Variants in GLIPR1L1 observed in about 807,000 individuals in gnomAD.
GLIPR1L1 encodes the protein GLIPR1 like 1, also known as GLIPR1-like protein 1.
A neutral mutation model predicts 29.9 loss-of-function variants in GLIPR1L1; 26 were observed. The ratio of observed to expected loss-of-function variants is 0.87; its 90% CI spans 0.64 to 1.21. GLIPR1L1 has a LOEUF of 1.21. Among genes scored for constraint, GLIPR1L1 ranks in the 50% most tolerant of loss-of-function variants. The pLI, the probability that GLIPR1L1 is intolerant of heterozygous loss-of-function variation, is 0.00. For synonymous variants in GLIPR1L1, 77 were observed against 97.5 expected (o/e 0.79, Z 1.24); for missense variants, 305 against 290.3 (o/e 1.05, Z -0.37).
At chr12:75,356,736 C>T (rs1319937538) in intron 3 of GLIPR1L1, among the ~76,000 whole-genome samples, 2 of 152,128 alleles carry the variant, frequency 1.3e-5, no homozygotes, top group African/African-American at 2.4e-5. Context: ...ATGCCCCAAA[C>T]TAAAAAACAG....
chr12:75,351,188 T>G (rs1344790922), intron 3 of GLIPR1L1, among the ~76,000 whole-genome samples: 2 of 152,148 alleles, frequency 1.3e-5, no homozygotes, highest in African/African-American at 2.4e-5. Flanking sequence ...TATGAGATTA[T>G]GTAAGATTGA....
At chr12:75,367,514 C>G (rs544378296) in intron 4 of GLIPR1L1, among the ~76,000 whole-genome samples, 1 of 151,886 alleles carries the variant, frequency 6.6e-6, no homozygotes, top group Admixed American at 6.6e-5. Flanking sequence ...TCCATCTCCA[C>G]GTCGTGTACC....
intron 3 of GLIPR1L1, among the ~76,000 whole-genome samples, chr12:75,354,139 C>A (rs778278697): frequency 7.6e-6 from 1 of 131,808 alleles, no homozygotes; most frequent in African/African-American, 3.0e-5. Context: ...GAAGTTCTGG[C>A]CAGAGCAATC....
intron 3 of GLIPR1L1, among the ~76,000 whole-genome samples, chr12:75,362,806 T>G (rs549697691): frequency 6.6e-6 from 1 of 152,172 alleles, no homozygotes; most frequent in Non-Finnish European, 1.5e-5. Context: ...GAAGAAATAA[T>G]CATACTATCT....
At chr12:75,365,152 C>T (rs75088220) in intron 4 of GLIPR1L1, 1 of 152,082 alleles carries the variant, frequency 6.6e-6, no homozygotes, top group African/African-American at 2.4e-5. Context: ...GTTTTAGCAA[C>T]AGAGCATATG....
At chr12:75,338,930 C>A (rs577576872) in intron 1 of GLIPR1L1, among the ~76,000 whole-genome samples, 6 of 152,352 alleles carry the variant, frequency 3.9e-5, no homozygotes, top group East Asian at 3.9e-4. Context: ...AGGACTTGAT[C>A]TCATTCCTTT....
intron 3 of GLIPR1L1, among the ~76,000 whole-genome samples, chr12:75,358,604 TA>T (rs965848464): frequency 6.7e-5 from 10 of 149,310 alleles, no homozygotes; most frequent in African/African-American, 2.0e-4. Context: ...TGCCTAATAG[TA>T]AAAAAAAATT....
At chr12:75,347,058 G>A (rs915139526) in intron 2 of GLIPR1L1, among the ~76,000 whole-genome samples, 3 of 150,398 alleles carry the variant, frequency 2.0e-5, no homozygotes, top group Admixed American at 6.7e-5. Context: ...GAATAACTTT[G>A]CTATTCTTTG....
At chr12:75,367,118 C>A in intron 4 of GLIPR1L1, 1 of 680,740 alleles carries the variant, frequency 1.5e-6, no homozygotes, top group South Asian at 1.6e-5. Context: ...ATGGAGAAGA[C>A]ACTTTAGAAT....
chr12:75,336,622 C>A (rs76603111), intron 1 of GLIPR1L1, among the ~76,000 whole-genome samples: 5,810 of 151,284 alleles, frequency 0.038, 129 homozygotes, highest in East Asian at 0.051. Context: ...ATCTTCAATA[C>A]AAATAAATGT....
chr12:75,348,966 A>G (rs2042629647), intron 3 of GLIPR1L1, among the ~76,000 whole-genome samples: 1 of 152,188 alleles, frequency 6.6e-6, no homozygotes, highest in African/African-American at 2.4e-5. Context: ...AATTACTAAG[A>G]CAGAGGTTGG....
rs559000552 is a variant in GLIPR1L1 at position 75,334,911 on chromosome 12, G to A, written c.174+9G>A. On this transcript the variant is annotated intron_variant, in intron 1 of 5. Coordinates refer to ENST00000378695, the MANE Select transcript of GLIPR1L1 (RefSeq NM_001304964.2). ...CCGACATGAAATACATGGTGAGAAA[G>A]AACCAGGGCTGGGCTCTTAAATCCC... 85 of 1,612,250 alleles carry A rather than the reference G, an allele frequency of 5.3e-5. 1 individual carries two copies. In the South Asian group the frequency reaches 8.9e-4, roughly 17 times the overall value.
chr12:75,342,952 A>G (rs894614414), intron 1 of GLIPR1L1, among the ~76,000 whole-genome samples: 7 of 126,658 alleles, frequency 5.5e-5, no homozygotes, highest in African/African-American at 2.0e-4. Context: ...GAATATATAG[A>G]TATATAATAG....
chr12:75,362,864 C>T (rs2043699202), intron 3 of GLIPR1L1, among the ~76,000 whole-genome samples: 1 of 152,160 alleles, frequency 6.6e-6, no homozygotes, highest in African/African-American at 2.4e-5. Context: ...ACTGGGTTCA[C>T]ATCTCATTAT....
At chr12:75,364,143 T>C (rs543229846) in intron 4 of GLIPR1L1, among the ~76,000 whole-genome samples, 7 of 152,342 alleles carry the variant, frequency 4.6e-5, no homozygotes, top group Non-Finnish European at 8.8e-5. Context: ...TCTCTTCTAT[T>C]AGACTTAAGA....
Position 75,370,169 on chromosome 12 carries a change from T to C in GLIPR1L1, c.722T>C (p.Ile241Thr). 6.8e-7 allele frequency: 1 copy of C among 1,475,440 alleles called. No individual in the cohort carries two copies. Among genetic ancestry groups the C allele is most frequent in the South Asian group, 1.1e-5 (1 of 88,122 alleles). The allele number at this position is 1,475,440 out of a possible 1,614,324, so 91.4% of individuals were successfully genotyped here. The change falls in exon 6 of 6, where the codon ATC (isoleucine) becomes ACC (threonine). Residue 241 changes from isoleucine (I) to threonine (T), a missense_variant. Coordinates refer to ENST00000378695, the MANE Select transcript of GLIPR1L1 (RefSeq NM_001304964.2). ...AGCTTAGGTTTTCTTCTTCTGAGAA[T>C]CTTTTAATGTCATTTATATACAAAA... Reference protein sequence around the residue: ...PFSLGFLLLRIF With the variant: ...PFSLGFLLLRTF
intron 5 of GLIPR1L1, 39 bp downstream of exon 5, chr12:75,370,025 C>T: frequency 8.1e-7 from 1 of 1,232,482 alleles, no homozygotes; most frequent in Non-Finnish European, 1.2e-6. Context: ...TAAATTATTT[C>T]CTCCCGTTGA....
intron 1 of GLIPR1L1, 42 bp downstream of exon 1, chr12:75,334,944 TC>T: frequency 1.3e-6 from 2 of 1,548,282 alleles, no homozygotes; most frequent in Non-Finnish European, 1.8e-6. Context: ...CCCTGACTCA[TC>T]CTGAGGTATC....
chr12:75,368,502 C>T (rs1218587784), intron 4 of GLIPR1L1, among the ~76,000 whole-genome samples: 1 of 151,542 alleles, frequency 6.6e-6, no homozygotes, highest in Non-Finnish European at 1.5e-5. Flanking sequence ...AGTGATGCCC[C>T]AGGAATACAA....
Sources: gnomAD v4.1 joint callset for allele counts (sites outside exome capture counted in the v4.1 genomes callset) on GRCh38, gnomAD v4.1.1 for gene constraint, MANE v1.5 for transcripts, NCBI Gene and HGNC (gene_info 2026-07-23, HGNC 2026-07-21) for gene names.